The following SCAMP1 variants were observed in gnomAD, a reference collection of about 807,000 sequenced individuals.
SCAMP1 encodes secretory carrier-associated membrane protein 1.
SCAMP1 carries 15 observed loss-of-function variants against 41.8 expected under a neutral mutation model. The observed-to-expected ratio is 0.36, with a 90% CI of 0.24 to 0.55. SCAMP1 has a LOEUF of 0.55. Ranked by LOEUF, SCAMP1 falls within the 20% of genes least tolerant of loss-of-function variation. The pLI is 0.86. For missense variants in SCAMP1, 341 were observed against 412.6 expected (o/e 0.83, Z 1.50); for synonymous variants, 135 against 136.8 (o/e 0.99, Z 0.09).
chr5:78,394,655 C>T (rs561387878), intron 2 of SCAMP1, among the ~76,000 whole-genome samples: 3 of 152,214 alleles, frequency 2.0e-5, no homozygotes, highest in Non-Finnish European at 2.9e-5. Flanking sequence ...AGTTTAACAC[C>T]TGTCTTTATT....
At chr5:78,454,752 G>A (rs1296297943) in intron 7 of SCAMP1, among the ~76,000 whole-genome samples, 3 of 152,190 alleles carry the variant, frequency 2.0e-5, no homozygotes, top group Non-Finnish European at 4.4e-5. Context: ...AGTTTCAGAA[G>A]GAATGGTACC....
chr5:78,384,681 A>G lies in SCAMP1; in HGVS notation c.58-4156A>G, dbSNP rs1751299176. On this transcript the variant is annotated intron_variant, in intron 1 of 8. Transcript: ENST00000621999. ...TCACAAAGGGATACTGGATTTTGTC[A>G]AATGCTTTTTTTTGTCTATTGAGAT... Among the ~76,000 whole-genome samples the G allele has an allele frequency of 3.4e-5, 5 of 145,094 alleles. No homozygotes were observed. In the South Asian group the frequency reaches 1.1e-3, roughly 31 times the overall value.
At chr5:78,442,474 G>A (rs1352756715) in intron 6 of SCAMP1, among the ~76,000 whole-genome samples, 1 of 152,128 alleles carries the variant, frequency 6.6e-6, no homozygotes, top group African/African-American at 2.4e-5. Context: ...GGCCAGGCTG[G>A]TCTCGAACTC....
intron 1 of SCAMP1, among the ~76,000 whole-genome samples, chr5:78,385,365 T>G (rs1444039655): frequency 5.3e-5 from 8 of 152,162 alleles, no homozygotes; most frequent in African/African-American, 1.9e-4. Context: ...TTGCTAATGG[T>G]CTATCAGTTT....
chr5:78,444,904 G>T (rs1264521419), intron 6 of SCAMP1, among the ~76,000 whole-genome samples: 2 of 152,134 alleles, frequency 1.3e-5, no homozygotes, highest in Admixed American at 6.5e-5. Context: ...TTTTGCAAAT[G>T]GAAAATCTCA....
At chr5:78,362,546 A>G (rs1198878372) in intron 1 of SCAMP1, among the ~76,000 whole-genome samples, 5 of 152,206 alleles carry the variant, frequency 3.3e-5, no homozygotes, top group Non-Finnish European at 7.3e-5. Context: ...TTGTTCTTTT[A>G]TAAGTGGATG....
chr5:78,397,177 A>G (rs1751673724), intron 2 of SCAMP1, among the ~76,000 whole-genome samples: 1 of 152,192 alleles, frequency 6.6e-6, no homozygotes, highest in South Asian at 2.1e-4. Context: ...CCAGAAATAA[A>G]CACTTAAATT....
intron 1 of SCAMP1, among the ~76,000 whole-genome samples, chr5:78,368,616 T>C (rs1039986129): frequency 1.5e-4 from 23 of 152,192 alleles, no homozygotes; most frequent in African/African-American, 5.6e-4. Context: ...TGGGTATTCT[T>C]CTCAATTGCA....
At chr5:78,466,954 A>C (rs1199555746) in intron 8 of SCAMP1, among the ~76,000 whole-genome samples, 1 of 152,156 alleles carries the variant, frequency 6.6e-6, no homozygotes. Context: ...GGGACAAGAT[A>C]AGACTCAAGG....
At chr5:78,433,467 A>T (rs1752671897) in intron 6 of SCAMP1, among the ~76,000 whole-genome samples, 1 of 152,138 alleles carries the variant, frequency 6.6e-6, no homozygotes, top group Admixed American at 6.6e-5. Context: ...CTTTTAGTGT[A>T]TGGATGGTGT....
intron 1 of SCAMP1, among the ~76,000 whole-genome samples, chr5:78,378,741 CATGATATTTAA>C (rs1197024154): frequency 1.3e-5 from 2 of 152,218 alleles, no homozygotes; most frequent in African/African-American, 4.8e-5. Flanking sequence ...GTCAGATCCA[CATGATATTTAA>C]ATTAAACTCT....
In SCAMP1 at chr5:78,475,844, T is replaced by C. The variant is rs1753991020; in HGVS notation, c.*176T>C. The C allele has an allele frequency of 5.3e-6, 2 of 380,498 alleles. No individual in the cohort carries two copies. The highest frequency in any genetic ancestry group is 9.1e-6 in the Non-Finnish European group (2 of 220,770). 23.6% of individuals were successfully genotyped at this position (380,498 alleles called of 1,614,324 possible). On this transcript the variant is annotated 3_prime_UTR_variant, in exon 9 of 9. Transcript: ENST00000621999. ...CTTGTCTTATTACTTTACCTAATAG[T>C]TTCTTAATATTTCAGTGCCCCTTGC...
At chr5:78,407,712 T>G (rs1356387993) in intron 2 of SCAMP1, among the ~76,000 whole-genome samples, 2 of 152,124 alleles carry the variant, frequency 1.3e-5, no homozygotes, top group African/African-American at 4.8e-5. Context: ...ATATTTACAT[T>G]TTTTGGATCT....
intron 2 of SCAMP1, among the ~76,000 whole-genome samples, chr5:78,397,202 T>A (rs934918415): frequency 1.3e-5 from 2 of 152,214 alleles, no homozygotes; most frequent in Non-Finnish European, 2.9e-5. Context: ...ATCAACTGAT[T>A]TTTGACAAGA....
At chr5:78,453,146 T>A (rs1260334391) in intron 7 of SCAMP1, among the ~76,000 whole-genome samples, 1 of 151,314 alleles carries the variant, frequency 6.6e-6, no homozygotes, top group Non-Finnish European at 1.5e-5. Flanking sequence ...GCCTGTTCAC[T>A]GTGATGGTAG....
intron 2 of SCAMP1, among the ~76,000 whole-genome samples, chr5:78,409,467 C>A (rs1271113579): frequency 6.6e-6 from 1 of 151,578 alleles, no homozygotes; most frequent in Non-Finnish European, 1.5e-5. Context: ...GCTCATCTGT[C>A]CCAGAGTGAA....
intron 8 of SCAMP1, among the ~76,000 whole-genome samples, chr5:78,470,956 T>C (rs1367329094): frequency 6.6e-6 from 1 of 152,182 alleles, no homozygotes; most frequent in Non-Finnish European, 1.5e-5. Flanking sequence ...ATTGCACTTA[T>C]TTGGTACCTT....
At chr5:78,392,019 GAGAGAGAGGGAGAGGGAGACCGTGGAA>G (rs1242029993) in intron 2 of SCAMP1, among the ~76,000 whole-genome samples, 1 of 133,050 alleles carries the variant, frequency 7.5e-6, no homozygotes, top group African/African-American at 2.8e-5. Context: ...GAGGGAGAGG[GAGAGAGAGGGAGAGGGAGACCGTGGAA>G]AGAGAGGGAG....
intron 2 of SCAMP1, among the ~76,000 whole-genome samples, chr5:78,391,629 C>T (rs192165431): frequency 6.6e-6 from 1 of 152,274 alleles, no homozygotes; most frequent in African/African-American, 2.4e-5. Context: ...GGCTGCACTC[C>T]CGGCACTTTG....
Sources: gnomAD v4.1 joint callset for allele counts (sites outside exome capture counted in the v4.1 genomes callset) on GRCh38, gnomAD v4.1.1 for gene constraint, MANE v1.5 for transcripts, NCBI Gene and HGNC (gene_info 2026-07-23, HGNC 2026-07-21) for gene names.